The following SLIT3 variants were observed in gnomAD, a reference collection of about 807,000 sequenced individuals.
SLIT3 encodes the protein slit guidance ligand 3.
A neutral mutation model predicts 184.0 loss-of-function variants in SLIT3; 68 were observed. The observed-to-expected ratio is 0.37, with a 90% confidence interval of 0.30 to 0.45. The LOEUF (loss-of-function observed/expected upper bound fraction) is 0.45, where lower values mean the gene tolerates loss of function less well. Ranked by LOEUF, SLIT3 falls within the 20% of genes least tolerant of loss-of-function variation. The pLI is 1.00. For missense variants in SLIT3, 1,707 were observed against 2,026.0 expected, an observed-to-expected ratio of 0.84 and a Z score of 3.02; for synonymous variants, 831 against 828.6, an observed-to-expected ratio of 1.00 and a Z score of -0.05.
intron 14 of SLIT3, among the ~76,000 whole-genome samples, chr5:168,763,441 G>A (rs1032698915): frequency 6.6e-6 from 1 of 152,124 alleles, no homozygotes; most frequent in African/African-American, 2.4e-5. Context: ...AATGCCGCGA[G>A]GACGAGCAAA....
intron 4 of SLIT3, among the ~76,000 whole-genome samples, chr5:169,105,063 C>A (rs1220180298): frequency 1.3e-5 from 2 of 152,320 alleles, no homozygotes; most frequent in South Asian, 2.1e-4. Flanking sequence ...AATACCAAAT[C>A]TTTCCATTTC....
intron 4 of SLIT3, among the ~76,000 whole-genome samples, chr5:168,939,440 T>C (rs1762265124): frequency 6.6e-6 from 1 of 152,210 alleles, no homozygotes; most frequent in Non-Finnish European, 1.5e-5. Flanking sequence ...TTTTGCTAAC[T>C]CAGAAAGGCT....
chr5:168,951,010 C>T (rs1200201375), intron 4 of SLIT3, among the ~76,000 whole-genome samples: 1 of 152,190 alleles, frequency 6.6e-6, no homozygotes, highest in African/African-American at 2.4e-5. Flanking sequence ...TACTTGAGGT[C>T]AGGAGTTGGA....
At chr5:168,709,244 C>T (rs1196407695) in intron 25 of SLIT3, among the ~76,000 whole-genome samples, 5 of 151,840 alleles carry the variant, frequency 3.3e-5, no homozygotes, top group East Asian at 1.9e-4. Context: ...TACAAGCATG[C>T]GCCACCACAC....
chr5:168,948,752 A>T (rs1415209895), intron 4 of SLIT3, among the ~76,000 whole-genome samples: 2 of 152,156 alleles, frequency 1.3e-5, no homozygotes, highest in African/African-American at 4.8e-5. Context: ...GAAGGCCAGA[A>T]CTCTGTTATT....
At chr5:168,870,292 A>G (rs1759468703) in intron 5 of SLIT3, among the ~76,000 whole-genome samples, 1 of 152,260 alleles carries the variant, frequency 6.6e-6, no homozygotes, top group East Asian at 1.9e-4. Context: ...ATCTGGGGCT[A>G]CAAGAAGGAA....
intron 4 of SLIT3, among the ~76,000 whole-genome samples, chr5:169,176,345 C>T (rs914512461): frequency 2.0e-5 from 3 of 152,168 alleles, no homozygotes; most frequent in Non-Finnish European, 2.9e-5. Flanking sequence ...GCCAGGTCTG[C>T]GATTTCTTCG....
intron 4 of SLIT3, among the ~76,000 whole-genome samples, chr5:168,996,551 A>AT: frequency 6.6e-6 from 1 of 152,356 alleles, no homozygotes; most frequent in African/African-American, 2.4e-5. Flanking sequence ...GGCTTTGGAT[A>AT]TAACGTCAAG....
chr5:169,071,893 G>A (rs1445607940), intron 4 of SLIT3, among the ~76,000 whole-genome samples: 3 of 152,136 alleles, frequency 2.0e-5, no homozygotes, highest in Non-Finnish European at 4.4e-5. Context: ...GAGGAAGAAG[G>A]GGAGAAAGGA....
At chr5:168,993,312 G>A (rs778367196) in intron 4 of SLIT3, among the ~76,000 whole-genome samples, 4 of 152,220 alleles carry the variant, frequency 2.6e-5, no homozygotes, top group Non-Finnish European at 4.4e-5. Flanking sequence ...CTCCGGGTCC[G>A]GAGGAGAGCA....
intron 5 of SLIT3, among the ~76,000 whole-genome samples, chr5:168,869,770 C>A (rs1759441422): frequency 6.6e-6 from 1 of 152,198 alleles, no homozygotes; most frequent in Non-Finnish European, 1.5e-5. Context: ...CAAACCTTAT[C>A]CACTGGGTAC....
At chr5:169,282,609 C>T (rs973290183) in intron 1 of SLIT3, among the ~76,000 whole-genome samples, 11 of 152,104 alleles carry the variant, frequency 7.2e-5, no homozygotes, top group Admixed American at 6.5e-4. Flanking sequence ...TATGATTGTC[C>T]TTCACCTATA....
intron 28 of SLIT3, among the ~76,000 whole-genome samples, chr5:168,693,162 C>G (rs1296628465): frequency 6.6e-6 from 1 of 152,208 alleles, no homozygotes; most frequent in Non-Finnish European, 1.5e-5. Context: ...TTGGGAAGAT[C>G]TACAAATAAG....
At chr5:169,078,915 GAATT>G (rs370572445) in intron 4 of SLIT3, among the ~76,000 whole-genome samples, 38 of 152,270 alleles carry the variant, frequency 2.5e-4, no homozygotes, top group Non-Finnish European at 4.3e-4. Context: ...AGACTTGGAG[GAATT>G]AATTAGTTTT....
intron 4 of SLIT3, among the ~76,000 whole-genome samples, chr5:169,060,106 T>C (rs1209394939): frequency 1.3e-5 from 2 of 152,184 alleles, no homozygotes; most frequent in African/African-American, 2.4e-5. Flanking sequence ...CTGTTTGAAA[T>C]AGGCCACGCG....
Position 168,774,393 on chromosome 5 carries a change from G to C in SLIT3, c.1152-15C>G, listed in dbSNP as rs181388713. 11,567 of 1,601,636 alleles carry C rather than the reference G, an allele frequency of 7.2e-3. 64 individuals carry two copies. The highest frequency in any genetic ancestry group is 8.6e-3 in the Non-Finnish European group (10,076 of 1,174,354). ...CATTGAGGAGGCTGCAAACAGAAGA[G>C]AGCCTGGTTGATTCACTAATCCTGG... On this transcript the variant is annotated splice_polypyrimidine_tract_variant and intron_variant, in intron 12 of 35. Coordinates refer to ENST00000519560, the MANE Select transcript of SLIT3 (RefSeq NM_003062.4).
At chr5:169,121,221 A>C (rs1760859640) in intron 4 of SLIT3, among the ~76,000 whole-genome samples, 1 of 152,164 alleles carries the variant, frequency 6.6e-6, no homozygotes, top group African/African-American at 2.4e-5. Context: ...TCTTAACCCC[A>C]AAGACATAGG....
At chr5:169,022,999 T>C (rs565137756) in intron 4 of SLIT3, 2 of 152,330 alleles carry the variant, frequency 1.3e-5, no homozygotes, top group African/African-American at 4.8e-5. Flanking sequence ...TTGTTTGTAC[T>C]TCTAGTGCCA....
At chr5:169,158,157 A>C (rs1271136496) in intron 4 of SLIT3, among the ~76,000 whole-genome samples, 3 of 152,220 alleles carry the variant, frequency 2.0e-5, no homozygotes, top group African/African-American at 4.8e-5. Flanking sequence ...AATCCAAAGA[A>C]ATCTATGCCA....
Sources: gnomAD v4.1 joint callset for allele counts (sites outside exome capture counted in the v4.1 genomes callset) on GRCh38, gnomAD v4.1.1 for gene constraint, MANE v1.5 for transcripts, NCBI Gene and HGNC (gene_info 2026-07-23, HGNC 2026-07-21) for gene names.